Variants in RASSF5 observed in about 807,000 individuals in gnomAD.
The protein encoded by RASSF5 is Ras association domain family member 5, also known as ras association domain-containing protein 5.
A neutral mutation model predicts 40.5 loss-of-function variants in RASSF5; 25 were observed. The ratio of observed to expected loss-of-function variants is 0.62; its 90% CI spans 0.45 to 0.86. The LOEUF (loss-of-function observed/expected upper bound fraction) is 0.86, where lower values mean the gene tolerates loss of function less well. RASSF5 is among the 40% of genes least tolerant of loss of function. RASSF5 has a pLI of 0.00. For missense variants in RASSF5, 521 were observed against 572.8 expected (o/e 0.91, Z 0.92); for synonymous variants, 246 against 252.4 (o/e 0.97, Z 0.24).
At chr1:206,547,608 A>G (rs1272657299) in intron 2 of RASSF5, among the ~76,000 whole-genome samples, 1 of 151,958 alleles carries the variant, frequency 6.6e-6, no homozygotes, top group Non-Finnish European at 1.5e-5. Flanking sequence ...ATATATTGCA[A>G]TGTAATAATA....
chr1:206,512,505 G>A (rs782027439), intron 1 of RASSF5, among the ~76,000 whole-genome samples: 8 of 152,180 alleles, frequency 5.3e-5, no homozygotes, highest in Non-Finnish European at 1.0e-4. Flanking sequence ...GGTAATGAAC[G>A]TGTGTGTTTG....
At chr1:206,541,840 G>A (rs1040486208) in intron 2 of RASSF5, 1 of 152,180 alleles carries the variant, frequency 6.6e-6, no homozygotes, top group South Asian at 2.1e-4. Context: ...GCCCTCAGTG[G>A]CTCCTGGTGC....
intron 2 of RASSF5, among the ~76,000 whole-genome samples, chr1:206,572,269 A>G (rs1428126310): frequency 6.6e-6 from 1 of 152,100 alleles, no homozygotes; most frequent in Non-Finnish European, 1.5e-5. Flanking sequence ...CTGTTCTGGG[A>G]GCCGCCTCAG....
rs150091734 is a variant in RASSF5 at position 206,579,804 on chromosome 1, A to G, written c.580-3465A>G. On this transcript the variant is annotated intron_variant, in intron 2 of 5. Coordinates refer to ENST00000579436, the MANE Select transcript of RASSF5 (RefSeq NM_182663.4). This position sits in a 1 kb window ranked among gnomAD's most constrained non-coding sequence, Gnocchi z 4.2. ...AGTTTAAGAACCACTGGTCTGGATT[A>G]TACGCCATCTCTTGGGTGGAAAAAG... Among the ~76,000 whole-genome samples the G allele has an allele frequency of 3.3e-5, 5 of 152,342 alleles. No homozygotes were observed. Among genetic ancestry groups the G allele is most frequent in the African/African-American group, 1.2e-4 (5 of 41,574 alleles).
At chr1:206,574,392 C>G (rs1178237928) in intron 2 of RASSF5, among the ~76,000 whole-genome samples, 1 of 152,240 alleles carries the variant, frequency 6.6e-6, no homozygotes, top group Non-Finnish European at 1.5e-5. Flanking sequence ...TCTCAAGGTG[C>G]CTTTCACGAT....
In RASSF5 at chr1:206,507,571, G is replaced by A; in HGVS notation, c.-32G>A. The A allele has an allele frequency of 6.9e-7, 1 of 1,455,632 alleles. No homozygotes were observed. Among genetic ancestry groups the A allele is most frequent in the Non-Finnish European group, 9.0e-7 (1 of 1,108,928 alleles). The allele number at this position is 1,455,632 out of a possible 1,614,324, so 90.2% of individuals were successfully genotyped here. On this transcript the variant is annotated 5_prime_UTR_variant, in exon 1 of 6. Coordinates refer to ENST00000579436, the MANE Select transcript of RASSF5 (RefSeq NM_182663.4). ...CGGGAGTAGCGCAGTCGCCAAAGCC[G>A]CCGCTGCCAAAGCTGCCGCCACTAG...
intron 1 of RASSF5, among the ~76,000 whole-genome samples, chr1:206,523,739 A>T (rs12759309): frequency 1.0e-5 from 1 of 98,184 alleles, no homozygotes; most frequent in Non-Finnish European, 1.8e-5. Context: ...ATTATATATA[A>T]TATATTTTAT....
chr1:206,517,023 A>G (rs1553395519), intron 1 of RASSF5, among the ~76,000 whole-genome samples: 2 of 152,232 alleles, frequency 1.3e-5, no homozygotes, highest in East Asian at 3.8e-4. Flanking sequence ...AACAAAGGCC[A>G]TGGGCAGCTC....
chr1:206,514,316 C>A (rs986699780), intron 1 of RASSF5, among the ~76,000 whole-genome samples: 2 of 152,214 alleles, frequency 1.3e-5, no homozygotes, highest in Non-Finnish European at 2.9e-5. Context: ...TTCGGATTTT[C>A]CTACCTATAA....
At chr1:206,532,867 G>C (rs782625229) in intron 1 of RASSF5, among the ~76,000 whole-genome samples, 2 of 152,148 alleles carry the variant, frequency 1.3e-5, no homozygotes, top group Non-Finnish European at 2.9e-5. Flanking sequence ...GGGCCTTAAG[G>C]GTTTCTTATC....
At chr1:206,521,722 C>T (rs1553396126) in intron 1 of RASSF5, among the ~76,000 whole-genome samples, 1 of 152,200 alleles carries the variant, frequency 6.6e-6, no homozygotes, top group East Asian at 1.9e-4. Context: ...ACAACCCTCC[C>T]CTTCTCTTTC....
chr1:206,540,296 G>T (rs558742884), intron 2 of RASSF5, among the ~76,000 whole-genome samples: 2 of 152,244 alleles, frequency 1.3e-5, no homozygotes, highest in African/African-American at 2.4e-5. Flanking sequence ...TGGATTCGTT[G>T]TCTCATCCTC....
At chr1:206,529,110 A>G in intron 1 of RASSF5, 1 of 1,425,064 alleles carries the variant, frequency 7.0e-7, no homozygotes, top group Non-Finnish European at 9.6e-7. Flanking sequence ...GCAGGGAGCC[A>G]TCCTCTACAA....
Position 206,587,014 on chromosome 1 carries a change from T to G in RASSF5, c.*36T>G. The stretch of plus-strand genomic sequence containing the variant: ...TTCCTCTCCTCCTGGTGCATTCAGA[T>G]TTATTTGTATTATTAATTATTATTT... On this transcript the variant is annotated 3_prime_UTR_variant, in exon 6 of 6. Coordinates refer to ENST00000579436, the MANE Select transcript of RASSF5 (RefSeq NM_182663.4). The G allele has an allele frequency of 6.2e-7, 1 of 1,610,956 alleles. No individual in the cohort carries two copies. The highest frequency in any genetic ancestry group is 1.1e-5 in the South Asian group (1 of 90,656).
intron 1 of RASSF5, among the ~76,000 whole-genome samples, chr1:206,510,814 G>A (rs1054256262): frequency 9.9e-5 from 15 of 152,120 alleles, no homozygotes; most frequent in Non-Finnish European, 1.6e-4. Context: ...CCCAGAGCAG[G>A]GTCTCACTAT....
intron 1 of RASSF5, chr1:206,529,141 C>T (rs919813917): frequency 4.0e-6 from 6 of 1,510,612 alleles, no homozygotes; most frequent in African/African-American, 1.4e-5. Flanking sequence ...GTGCCTCCTG[C>T]GATTAACCAG....
intron 2 of RASSF5, among the ~76,000 whole-genome samples, chr1:206,546,538 C>A (rs1007613420): frequency 6.6e-6 from 1 of 152,140 alleles, no homozygotes; most frequent in Admixed American, 6.6e-5. Flanking sequence ...TGCCTACAAG[C>A]TTTAACCCTT....
chr1:206,525,806 A>T (rs1667083569), intron 1 of RASSF5, among the ~76,000 whole-genome samples: 3 of 152,196 alleles, frequency 2.0e-5, no homozygotes, highest in African/African-American at 7.2e-5. Flanking sequence ...AGCAGATCTT[A>T]TGCCTTTCCC....
At position 206,584,538 on chromosome 1, in the gene RASSF5, A is replaced by G; in HGVS notation, c.842A>G (p.Tyr281Cys). 1 of 1,614,134 alleles carries G rather than the reference A, an allele frequency of 6.2e-7. No homozygotes were observed. ...AATTDKRTSF[Y>C]LPLDAIKQLH... ...ACCACGGACAAGCGGACATCCTTCT[A>G]CCTGCCCCTAGATGCCATCAAGCAG... The change falls in exon 4 of 6, where the codon TAC (tyrosine) becomes TGC (cysteine). Residue 281 changes from tyrosine to cysteine, a missense_variant. By Grantham distance (194) the Tyr-to-Cys change is radical. This residue lies in a region of RASSF5 where 284 missense variants were observed against 360.8 expected (regional missense o/e 0.79). Transcript: ENST00000579436. The surrounding 1 kb of genome is among the most constrained non-coding windows in gnomAD (Gnocchi z 4.9).
Sources: gnomAD v4.1 joint callset for allele counts (sites outside exome capture counted in the v4.1 genomes callset) on GRCh38, gnomAD v4.1.1 for gene constraint, gnomAD v4.1.1 regional missense constraint, Gnocchi (gnomAD v3.1) non-coding constraint, MANE v1.5 for transcripts, NCBI Gene and HGNC (gene_info 2026-07-23, HGNC 2026-07-21) for gene names.